CMIP: variants seen among roughly 807,000 people sequenced by gnomAD.
CMIP encodes the protein C-Maf-inducing protein.
A neutral mutation model predicts 97.3 loss-of-function variants in CMIP; 13 were observed. The ratio of observed to expected loss-of-function variants is 0.13; its 90% CI spans 0.09 to 0.21. The LOEUF is 0.21. Among genes scored for constraint, CMIP ranks in the 10% least tolerant of loss-of-function variants. The pLI is 1.00. For synonymous variants in CMIP, 538 were observed against 436.3 expected (o/e 1.23, Z -2.91); for missense variants, 847 against 1,024.9 (o/e 0.83, Z 2.37).
chr16:81,553,919 G>T (rs1363776905), intron 1 of CMIP, among the ~76,000 whole-genome samples: 1 of 152,212 alleles, frequency 6.6e-6, no homozygotes, highest in African/African-American at 2.4e-5. Context: ...TTCTTTGGTG[G>T]TCTAACACCC....
Position 81,445,281 on chromosome 16 carries a change from C to T in CMIP, c.40C>T (p.Arg14Trp). 6.5e-7 allele frequency: 1 copy of T among 1,548,426 alleles called. No individual in the cohort carries two copies. Among genetic ancestry groups the T allele is most frequent in the Non-Finnish European group, 8.7e-7 (1 of 1,148,892 alleles). Residue 14 changes from arginine (R) to tryptophan (W), a missense_variant, in exon 1 of 21, where the codon CGG (arginine) becomes TGG (tryptophan). Coordinates refer to ENST00000537098, the MANE Select transcript of CMIP (RefSeq NM_198390.3). Reference sequence around the variant, plus strand: ...CAGCTCGGGCGGCGGCGGCGACCCCCGGCAGATCGAGGAGACCAAGCCGCT... The same window carrying T: ...CAGCTCGGGCGGCGGCGGCGACCCCTGGCAGATCGAGGAGACCAAGCCGCT... ...TSSSGGGGDP[R>W]QIEETKPLLG... is the part of the protein sequence containing the mutation.
chr16:81,643,122 A>G (rs1185690734), intron 3 of CMIP, among the ~76,000 whole-genome samples: 1 of 152,184 alleles, frequency 6.6e-6, no homozygotes, highest in East Asian at 1.9e-4. Context: ...TGACCTGCGC[A>G]AGGTATGAAC....
At chr16:81,563,603 ACTGAGCAAGGTGGTT>A in intron 1 of CMIP, among the ~76,000 whole-genome samples, 1 of 152,306 alleles carries the variant, frequency 6.6e-6, no homozygotes, top group Middle Eastern at 3.4e-3. Context: ...ACTGGTGTGG[ACTGAGCAAGGTGGTT>A]CGGGTTCCAT....
intron 1 of CMIP, among the ~76,000 whole-genome samples, chr16:81,571,079 C>T (rs890073739): frequency 1.1e-4 from 17 of 152,262 alleles, no homozygotes; most frequent in African/African-American, 3.4e-4. Context: ...TGTAAATAGT[C>T]GGAAAATGAG....
At chr16:81,603,867 C>G (rs1009531214) in intron 1 of CMIP, among the ~76,000 whole-genome samples, 4 of 152,188 alleles carry the variant, frequency 2.6e-5, no homozygotes, top group Non-Finnish European at 4.4e-5. Flanking sequence ...TTAGTTTGTT[C>G]CAGGTACTGT....
At chr16:81,447,548 C>T (rs1029725872) in intron 1 of CMIP, among the ~76,000 whole-genome samples, 7 of 152,134 alleles carry the variant, frequency 4.6e-5, no homozygotes, top group Non-Finnish European at 7.4e-5. Context: ...GTGGCACCAT[C>T]GGTAGTGTGG....
chr16:81,647,558 C>T (rs1391132564), intron 3 of CMIP, among the ~76,000 whole-genome samples: 1 of 152,148 alleles, frequency 6.6e-6, no homozygotes, highest in South Asian at 2.1e-4. Context: ...TCAGAAGAAT[C>T]CAGTGGCCTG....
chr16:81,654,114 G>GCAGT (rs757878004), intron 4 of CMIP, among the ~76,000 whole-genome samples: 2 of 152,198 alleles, frequency 1.3e-5, no homozygotes, highest in Non-Finnish European at 2.9e-5. Context: ...TTAAATCAGG[G>GCAGT]CAGTGCTGAG....
intron 1 of CMIP, among the ~76,000 whole-genome samples, chr16:81,585,828 A>G (rs1239390824): frequency 2.0e-5 from 3 of 152,134 alleles, no homozygotes; most frequent in African/African-American, 7.2e-5. Flanking sequence ...TCACTTCTCA[A>G]GATTCGGCTG....
intron 3 of CMIP, among the ~76,000 whole-genome samples, chr16:81,623,211 C>T (rs747941873): frequency 6.6e-6 from 1 of 152,038 alleles, no homozygotes; most frequent in African/African-American, 2.4e-5. Context: ...TGCCCCACCC[C>T]AAAAATGTTA....
intron 1 of CMIP, among the ~76,000 whole-genome samples, chr16:81,474,363 C>A (rs1048083434): frequency 6.6e-6 from 1 of 152,070 alleles, no homozygotes; most frequent in African/African-American, 2.4e-5. Context: ...TTTTTCCATT[C>A]CTCCCTTCCC....
chr16:81,494,535 C>T (rs952502156), intron 1 of CMIP, among the ~76,000 whole-genome samples: 1 of 152,176 alleles, frequency 6.6e-6, no homozygotes, highest in Non-Finnish European at 1.5e-5. Flanking sequence ...AGGACACACT[C>T]CCCTCAGGAA....
chr16:81,673,391 G>C (rs560325551), intron 9 of CMIP, among the ~76,000 whole-genome samples: 1 of 152,254 alleles, frequency 6.6e-6, no homozygotes, highest in South Asian at 2.1e-4. Flanking sequence ...GGTGGTACAT[G>C]ACTGTACTCA....
In CMIP at chr16:81,473,405, T is replaced by A. The variant is rs903322735; in HGVS notation, c.300+27864T>A. Reference sequence around the variant, plus strand: ...TTCCTCTTTGACCCGGCAGAGGCTGTTGCCCAAGTCAACAGTGGTGCGTTT... The same window carrying A: ...TTCCTCTTTGACCCGGCAGAGGCTGATGCCCAAGTCAACAGTGGTGCGTTT... On this transcript the variant is annotated intron_variant, in intron 1 of 20. Transcript: ENST00000537098. Among the ~76,000 whole-genome samples, 42 of 152,244 alleles carry A rather than the reference T, an allele frequency of 2.8e-4. 1 individual carries two copies. The highest frequency in any genetic ancestry group is 2.9e-5 in the Non-Finnish European group (2 of 68,046).
In CMIP at chr16:81,678,553, G is replaced by A; in HGVS notation, c.1313G>A (p.Cys438Tyr). Residue 438 changes from cysteine to tyrosine, a missense_variant, in exon 10 of 21, where the codon TGC (cysteine) becomes TAC (tyrosine). Around this residue, in one of 4 missense-constraint regions of CMIP, gnomAD observed 202 missense variants for 168.7 expected, o/e 1.20. Transcript: ENST00000537098. ...LIDCLMVSPA[C>Y]STMSIELGPQ... Reference sequence around the variant, plus strand: ...GACTGCCTCATGGTCAGCCCCGCCTGCAGCACCATGAGCATCGAGCTGGGC... The same window carrying A: ...GACTGCCTCATGGTCAGCCCCGCCTACAGCACCATGAGCATCGAGCTGGGC... The A allele has an allele frequency of 6.2e-7, 1 of 1,608,712 alleles. No homozygotes were observed. The highest frequency in any genetic ancestry group is 1.1e-5 in the South Asian group (1 of 90,552).
At chr16:81,703,722 C>T (rs1907692797) in intron 17 of CMIP, 2 of 594,822 alleles carry the variant, frequency 3.4e-6, no homozygotes, top group East Asian at 5.9e-5. Context: ...CGCCTGGCAG[C>T]TGTCGTCCAT....
chr16:81,692,849 C>T (rs1407290512), intron 11 of CMIP, among the ~76,000 whole-genome samples: 1 of 152,218 alleles, frequency 6.6e-6, no homozygotes, highest in Non-Finnish European at 1.5e-5. Flanking sequence ...CCTGGGTCTC[C>T]GGAGCCCACA....
intron 1 of CMIP, among the ~76,000 whole-genome samples, chr16:81,505,766 G>A (rs1050989272): frequency 3.9e-5 from 6 of 152,192 alleles, no homozygotes; most frequent in African/African-American, 1.4e-4. Flanking sequence ...CAAGGCAGGT[G>A]GATCACCTGA....
At chr16:81,492,682 G>A (rs2150767840) in intron 1 of CMIP, among the ~76,000 whole-genome samples, 1 of 152,236 alleles carries the variant, frequency 6.6e-6, no homozygotes, top group African/African-American at 2.4e-5. Context: ...GGAAGGGAGG[G>A]CCCTGGAGAA....
Sources: gnomAD v4.1 joint callset for allele counts (sites outside exome capture counted in the v4.1 genomes callset) on GRCh38, gnomAD v4.1.1 for gene constraint, gnomAD v4.1.1 regional missense constraint, MANE v1.5 for transcripts, NCBI Gene and HGNC (gene_info 2026-07-23, HGNC 2026-07-21) for gene names.